Variants in GNAL observed in about 807,000 individuals in gnomAD.
GNAL encodes G protein subunit alpha L, also known as guanine nucleotide-binding protein G(olf) subunit alpha.
A neutral mutation model predicts 55.1 loss-of-function variants in GNAL; 18 were observed. The ratio of observed to expected loss-of-function variants is 0.33; its 90% CI spans 0.23 to 0.48. The LOEUF (loss-of-function observed/expected upper bound fraction) is 0.48, where lower values mean the gene tolerates loss of function less well. Ranked by LOEUF, GNAL falls within the 20% of genes least tolerant of loss-of-function variation. The probability of loss-of-function intolerance (pLI) is 0.99; values close to 1 mark genes in which losing one functional copy is unlikely to be tolerated. For missense variants in GNAL, 412 were observed against 614.1 expected (o/e 0.67, Z 3.48); for synonymous variants, 253 against 237.0 (o/e 1.07, Z -0.62).
intron 1 of GNAL, among the ~76,000 whole-genome samples, chr18:11,720,938 A>G (rs2032079176): frequency 6.6e-6 from 1 of 152,250 alleles, no homozygotes; most frequent in African/African-American, 2.4e-5. Context: ...AGATTTGCAT[A>G]CAGATGCAAT....
At chr18:11,794,834 T>C (rs2034335847) in intron 4 of GNAL, among the ~76,000 whole-genome samples, 2 of 151,700 alleles carry the variant, frequency 1.3e-5, no homozygotes, top group Admixed American at 1.3e-4. Flanking sequence ...ACTTTGTTTT[T>C]TGTTTGTTTG....
At chr18:11,825,688 G>A (rs568748277) in intron 5 of GNAL, among the ~76,000 whole-genome samples, 14 of 137,268 alleles carry the variant, frequency 1.0e-4, no homozygotes, top group East Asian at 9.0e-4. Flanking sequence ...CTGAGATTGC[G>A]CCCTTGCACT....
intron 1 of GNAL, among the ~76,000 whole-genome samples, chr18:11,726,955 T>G (rs2032226089): frequency 6.6e-6 from 1 of 152,000 alleles, no homozygotes; most frequent in Admixed American, 6.6e-5. Flanking sequence ...TTCTTAAGGT[T>G]AGAAAACATT....
intron 5 of GNAL, chr18:11,857,806 C>T: frequency 1.2e-6 from 1 of 847,618 alleles, no homozygotes; most frequent in Non-Finnish European, 1.4e-6. Flanking sequence ...TTTTTCTCCA[C>T]CAGTACGAAC....
intron 4 of GNAL, among the ~76,000 whole-genome samples, chr18:11,773,599 C>G (rs1006256382): frequency 4.6e-5 from 7 of 152,018 alleles, no homozygotes; most frequent in Non-Finnish European, 8.8e-5. Flanking sequence ...TATGAGACCC[C>G]ATCTCTACAA....
intron 4 of GNAL, among the ~76,000 whole-genome samples, chr18:11,756,807 A>G (rs2033072215): frequency 6.6e-6 from 1 of 152,188 alleles, no homozygotes; most frequent in Non-Finnish European, 1.5e-5. Flanking sequence ...ATTTAAAAGA[A>G]TGTATGTTTT....
At chr18:11,789,193 T>A (rs1260731884) in intron 4 of GNAL, among the ~76,000 whole-genome samples, 2 of 152,014 alleles carry the variant, frequency 1.3e-5, no homozygotes. Flanking sequence ...TCAATCACTG[T>A]CCTAAGTAAC....
At position 11,880,997 on chromosome 18, in the gene GNAL, C is replaced by A; in HGVS notation, c.1239C>A (p.Ser413Arg). 2 of 1,613,866 alleles carry A rather than the reference C, an allele frequency of 1.2e-6. No individual in the cohort carries two copies. The highest frequency in any genetic ancestry group is 1.7e-6 in the Non-Finnish European group (2 of 1,179,856). Residue 413 changes from serine (S) to arginine (R), a missense_variant, in exon 12 of 12, where the codon AGC becomes AGA. Physicochemically the swap from Ser to Arg is moderately radical, Grantham distance 110. This residue lies in a region of GNAL where 79 missense variants were observed against 127.1 expected (regional missense o/e 0.62). Coordinates refer to ENST00000334049, the MANE Select transcript of GNAL (RefSeq NM_182978.4). ...FFIRDLFLRI[S>R]TATGDGKHYC... ...CACGCTCTCTCTTGCAGAGGATCAG[C>A]ACGGCCACCGGTGACGGCAAACATT...
At chr18:11,843,063 G>A (rs1416282230) in intron 5 of GNAL, among the ~76,000 whole-genome samples, 1 of 152,146 alleles carries the variant, frequency 6.6e-6, no homozygotes, top group Non-Finnish European at 1.5e-5. Flanking sequence ...CAGGCACAGT[G>A]GCTCATGCCT....
At chr18:11,866,474 G>A (rs879935448) in intron 7 of GNAL, among the ~76,000 whole-genome samples, 5 of 150,404 alleles carry the variant, frequency 3.3e-5, no homozygotes, top group Non-Finnish European at 7.3e-5. Flanking sequence ...AGGGAGAAAC[G>A]CCTTATGCGC....
chr18:11,735,347 G>A (rs1184229668), intron 1 of GNAL, among the ~76,000 whole-genome samples: 5 of 152,164 alleles, frequency 3.3e-5, no homozygotes, highest in African/African-American at 7.2e-5. Flanking sequence ...CACTGTGCCC[G>A]ACCTGATAAG....
intron 5 of GNAL, among the ~76,000 whole-genome samples, chr18:11,838,585 A>G (rs2035546803): frequency 6.6e-6 from 1 of 152,208 alleles, no homozygotes; most frequent in African/African-American, 2.4e-5. Context: ...CACTTCAGTA[A>G]AATTAATTTG....
At chr18:11,754,417 C>CA (rs777493527) in intron 4 of GNAL, among the ~76,000 whole-genome samples, 2,276 of 119,264 alleles carry the variant, frequency 0.019, 44 homozygotes, top group African/African-American at 0.059. Flanking sequence ...ACTCCCATCT[C>CA]AAAAAAAAAA....
chr18:11,694,675 G>A lies in GNAL; in HGVS notation c.376+4736G>A, dbSNP rs4265891. 9.3e-3 allele frequency among the ~76,000 whole-genome samples: 1,422 copies of A among 152,288 alleles called. 21 individuals are homozygous for A. The highest frequency in any genetic ancestry group is 0.033 in the African/African-American group (1,374 of 41,550). On this transcript the variant is annotated intron_variant, in intron 1 of 11. Coordinates refer to ENST00000334049, the MANE Select transcript of GNAL (RefSeq NM_182978.4). ...TGACTGGGTGCGGAGGGTAGGTAAT[G>A]AGAGGAATTCTCAGATAACTCCCAT... is the stretch of plus-strand genomic sequence containing the variant.
chr18:11,843,352 T>G (rs1287005714), intron 5 of GNAL, among the ~76,000 whole-genome samples: 4 of 151,810 alleles, frequency 2.6e-5, no homozygotes, highest in Non-Finnish European at 5.9e-5. Context: ...TATGTAAAAT[T>G]TTTTACTACT....
chr18:11,697,772 TAAG>T (rs10591897), intron 1 of GNAL, among the ~76,000 whole-genome samples: 40,359 of 151,968 alleles, frequency 0.27, 9,454 homozygotes, highest in African/African-American at 0.64. Flanking sequence ...GTAAGGAATT[TAAG>T]AAGAAGAGGC....
intron 1 of GNAL, among the ~76,000 whole-genome samples, chr18:11,715,269 C>T (rs2031931123): frequency 6.7e-6 from 1 of 149,660 alleles, no homozygotes; most frequent in South Asian, 2.1e-4. Flanking sequence ...ACCATCCTGG[C>T]TAACACGGTG....
At chr18:11,775,142 A>C (rs2033745291) in intron 4 of GNAL, among the ~76,000 whole-genome samples, 1 of 152,134 alleles carries the variant, frequency 6.6e-6, no homozygotes, top group South Asian at 2.1e-4. Context: ...TTCTGTCTTG[A>C]AGGAATTACT....
chr18:11,867,295 A>G, intron 8 of GNAL, 69 bp downstream of exon 8: 6 of 926,160 alleles, frequency 6.5e-6, no homozygotes, highest in South Asian at 1.3e-5. Context: ...GTGCTTAACT[A>G]TTCTTGAATT....
Sources: allele counts gnomAD v4.1 joint callset (sites outside exome capture counted in the v4.1 genomes callset), GRCh38; gene constraint gnomAD v4.1.1; regional missense constraint gnomAD v4.1.1; transcripts MANE v1.5; gene names NCBI Gene and HGNC (gene_info 2026-07-23, HGNC 2026-07-21).